Variants in TNFSF18 observed in about 807,000 individuals in gnomAD.
TNFSF18 encodes TNF superfamily member 18.
In TNFSF18, 6 loss-of-function variants were observed where a neutral mutation model predicts 9.6. The ratio of observed to expected loss-of-function variants is 0.63; its 90% confidence interval spans 0.34 to 1.24. The LOEUF (loss-of-function observed/expected upper bound fraction) is 1.24, where lower values mean the gene tolerates loss of function less well. Ranked by LOEUF, TNFSF18 falls within the 50% of genes most tolerant of loss-of-function variation. TNFSF18 has a pLI of 0.03. For missense variants in TNFSF18, 210 were observed against 201.0 expected (o/e 1.04, Z -0.27); for synonymous variants, 68 against 71.7 (o/e 0.95, Z 0.26).
intron 1 of TNFSF18, among the ~76,000 whole-genome samples, chr1:173,047,993 C>T (rs1571473855): frequency 1.3e-5 from 2 of 152,148 alleles, no homozygotes; most frequent in South Asian, 4.1e-4. Flanking sequence ...ATTAATCACT[C>T]CCCTCTACTG....
chr1:173,044,261 C>CCT (rs1553199733), intron 1 of TNFSF18, among the ~76,000 whole-genome samples: 60 of 151,794 alleles, frequency 4.0e-4, no homozygotes, highest in African/African-American at 1.3e-3. Context: ...TCGGACCCCC[C>CCT]CCCCAACCTT....
intron 1 of TNFSF18, among the ~76,000 whole-genome samples, chr1:173,047,296 C>T (rs1327127125): frequency 6.6e-6 from 1 of 152,122 alleles, no homozygotes; most frequent in African/African-American, 2.4e-5. Flanking sequence ...ACTCCCTTAA[C>T]CCCAATTTCC....
At chr1:173,041,836 T>C (rs1665000675) in intron 2 of TNFSF18, 123 bp from the exon 3 acceptor site, 1 of 867,910 alleles carries the variant, frequency 1.2e-6, no homozygotes, top group Admixed American at 3.1e-5. Context: ...TCTACACTAG[T>C]TCTCTTCAAG....
chr1:173,050,794 A>G lies in TNFSF18; in HGVS notation c.103T>C (p.Leu35=), dbSNP rs1665157061. 2 of 1,613,094 alleles carry G rather than the reference A, an allele frequency of 1.2e-6. No homozygotes were observed. Among genetic ancestry groups the G allele is most frequent in the Admixed American group, 1.7e-5 (1 of 59,892 alleles). Residue 35 remains leucine, a synonymous_variant, in exon 1 of 3, where the codon TTG becomes CTG. Transcript: ENST00000404377. ...KLWLFCSIVM[L]LFLCSFSWLI... ...CAACTGAAGGAGCAAAGAAATAGCAACATAACTATTGAGCAAAAGAGCCAC... is the reference window on the plus strand; with the variant it reads ...CAACTGAAGGAGCAAAGAAATAGCAGCATAACTATTGAGCAAAAGAGCCAC...
intron 2 of TNFSF18, 106 bp from the exon 3 acceptor site, chr1:173,041,819 T>TAATGATACGGTG: frequency 8.4e-6 from 8 of 949,770 alleles, no homozygotes; most frequent in South Asian, 4.4e-5. Flanking sequence ...GTTGTTTCTT[T>TAATGATACGGTG]ACCTGATCTA....
At position 173,050,829 on chromosome 1, in the gene TNFSF18, G is replaced by C. The variant is rs1223970950; in HGVS notation, c.68C>G (p.Ser23Cys). ...HSRTQGAQRS[S>C]WKLWLFCSIV... ...TGAGCAAAAGAGCCACAGCTTCCAG[G>C]ATGATCTCTGAGCTCCTTGAGTTCT... Residue 23 changes from serine (S) to cysteine (C), a missense_variant, in exon 1 of 3, where the codon TCC becomes TGC. Transcript: ENST00000404377. The C allele has an allele frequency of 1.2e-6, 2 of 1,613,598 alleles. No homozygotes were observed. The highest frequency in any genetic ancestry group is 1.7e-6 in the Non-Finnish European group (2 of 1,179,762).
chr1:173,050,367 T>C (rs987848432), intron 1 of TNFSF18, among the ~76,000 whole-genome samples: 1 of 152,126 alleles, frequency 6.6e-6, no homozygotes, highest in Non-Finnish European at 1.5e-5. Context: ...GTCTTTTCCA[T>C]AAATAAGACT....
intron 2 of TNFSF18, 114 bp downstream of exon 2, chr1:173,043,825 A>C: frequency 9.9e-7 from 1 of 1,009,842 alleles, no homozygotes; most frequent in South Asian, 1.3e-5. Context: ...GTAATTATAC[A>C]TAGTAGCTCA....
At chr1:173,044,894 A>G (rs1294894685) in intron 1 of TNFSF18, among the ~76,000 whole-genome samples, 1 of 152,156 alleles carries the variant, frequency 6.6e-6, no homozygotes, top group Non-Finnish European at 1.5e-5. Context: ...ACTTGGTTGG[A>G]AAATAGAGCC....
chr1:173,048,441 A>G (rs935189741), intron 1 of TNFSF18, among the ~76,000 whole-genome samples: 2 of 152,186 alleles, frequency 1.3e-5, no homozygotes, highest in African/African-American at 2.4e-5. Flanking sequence ...GCTTTTAAGT[A>G]TAAGTACAAC....
rs186600898 is a variant in TNFSF18, at chr1:173,044,362, A to C, written c.157-393T>G. 4.6e-3 allele frequency among the ~76,000 whole-genome samples: 696 copies of C among 152,280 alleles called. 8 individuals carry two copies. Among genetic ancestry groups the C allele is most frequent in the Middle Eastern group, 0.024 (7 of 294 alleles). On this transcript the variant is annotated intron_variant, in intron 1 of 2. Coordinates refer to ENST00000404377, the MANE Select transcript of TNFSF18 (RefSeq NM_005092.4). ...TTGGCATGTGAAAGGAAAATAGTGAAGCTTCTATTTATGTTTATTTTATTT... is the reference window on the plus strand; with the variant it reads ...TTGGCATGTGAAAGGAAAATAGTGACGCTTCTATTTATGTTTATTTTATTT...
In TNFSF18 at chr1:173,039,947, A is replaced by AC. The variant is rs1409864876; in HGVS notation, c.*1419dup. On this transcript the variant is annotated 3_prime_UTR_variant, in exon 3 of 3. Transcript: ENST00000404377. ...TTTTGTTAAACAAAATACAAAAAAA[A>AC]CCTCTTTTAAATAGCTTTACATGTA... The AC allele has an allele frequency of 1.3e-5, 2 of 151,544 alleles. No individual in the cohort carries two copies. Among genetic ancestry groups the AC allele is most frequent in the East Asian group, 3.9e-4 (2 of 5,138 alleles). 9.4% of individuals were successfully genotyped at this position (151,544 alleles called of 1,614,324 possible).
chr1:173,050,834 T>C lies in TNFSF18; in HGVS notation c.63A>G (p.Arg21=), dbSNP rs761222900. ...LSHSRTQGAQ[R]SSWKLWLFCS... The stretch of plus-strand genomic sequence containing the variant: ...AAAAGAGCCACAGCTTCCAGGATGA[T>C]CTCTGAGCTCCTTGAGTTCTTGAAT... Residue 21 remains arginine (R), a synonymous_variant, in exon 1 of 3, where the codon AGA becomes AGG. Coordinates refer to ENST00000404377, the MANE Select transcript of TNFSF18 (RefSeq NM_005092.4). The C allele has an allele frequency of 1.2e-6, 2 of 1,613,744 alleles. No individual in the cohort carries two copies. The highest frequency in any genetic ancestry group is 1.1e-5 in the South Asian group (1 of 91,048).
At chr1:173,046,886 G>T (rs1193677678) in intron 1 of TNFSF18, among the ~76,000 whole-genome samples, 67 of 130,984 alleles carry the variant, frequency 5.1e-4, no homozygotes, top group Admixed American at 1.1e-3. Context: ...TTTTTTTGTT[G>T]TTGTTGTTGT....
chr1:173,050,726 C>A lies in TNFSF18; in HGVS notation c.156+15G>T. On this transcript the variant is annotated intron_variant, in intron 1 of 2. Transcript: ENST00000404377. ...TTATAGCAAATAGTAACCTTAGGTACAATTGCCTCCTTACCTCTAATTGGA... is the reference window on the plus strand; with the variant it reads ...TTATAGCAAATAGTAACCTTAGGTAAAATTGCCTCCTTACCTCTAATTGGA... 1 of 1,540,246 alleles carries A rather than the reference C, an allele frequency of 6.5e-7. No homozygotes were observed. Among genetic ancestry groups the A allele is most frequent in the Non-Finnish European group, 8.9e-7 (1 of 1,127,456 alleles).
chr1:173,049,205 C>A (rs1189713622), intron 1 of TNFSF18, among the ~76,000 whole-genome samples: 1 of 152,138 alleles, frequency 6.6e-6, no homozygotes, highest in Non-Finnish European at 1.5e-5. Context: ...TTTGCAAGAA[C>A]TGCTGGGTGC....
At chr1:173,043,213 C>T (rs1468727114) in intron 2 of TNFSF18, among the ~76,000 whole-genome samples, 1 of 151,922 alleles carries the variant, frequency 6.6e-6, no homozygotes, top group Non-Finnish European at 1.5e-5. Flanking sequence ...TTCTAATTCC[C>T]ACAAGCCAAG....
chr1:173,044,935 G>C (rs1665055377), intron 1 of TNFSF18, among the ~76,000 whole-genome samples: 1 of 152,138 alleles, frequency 6.6e-6, no homozygotes, highest in Non-Finnish European at 1.5e-5. Flanking sequence ...ATATGGGGTA[G>C]GGAATGAGAA....
At chr1:173,042,922 A>G (rs1665015604) in intron 2 of TNFSF18, among the ~76,000 whole-genome samples, 1 of 152,156 alleles carries the variant, frequency 6.6e-6, no homozygotes, top group African/African-American at 2.4e-5. Flanking sequence ...GATCACTAGA[A>G]CAAAAGACAA....
Sources: gnomAD v4.1 joint callset for allele counts (sites outside exome capture counted in the v4.1 genomes callset) on GRCh38, gnomAD v4.1.1 for gene constraint, MANE v1.5 for transcripts, NCBI Gene and HGNC (gene_info 2026-07-23, HGNC 2026-07-21) for gene names.